Variants in EML5 observed in about 807,000 individuals in gnomAD.
EML5 encodes EMAP like 5.
In EML5, 120 loss-of-function variants were observed where a neutral mutation model predicts 250.0. The ratio of observed to expected loss-of-function variants is 0.48; its 90% CI spans 0.41 to 0.56. The LOEUF (loss-of-function observed/expected upper bound fraction) is 0.56, where lower values mean the gene tolerates loss of function less well. Ranked by LOEUF, EML5 falls within the 20% of genes least tolerant of loss-of-function variation. The pLI is 0.00. For synonymous variants in EML5, 771 were observed against 806.5 expected, an observed-to-expected ratio of 0.96 and a Z score of 0.75; for missense variants, 2,006 against 2,437.6, an observed-to-expected ratio of 0.82 and a Z score of 3.73.
intron 1 of EML5, among the ~76,000 whole-genome samples, chr14:88,776,746 T>C (rs1307234316): frequency 1.3e-5 from 2 of 150,142 alleles, no homozygotes; most frequent in Non-Finnish European, 3.0e-5. Context: ...CTGGGCATAG[T>C]GGCACATGAC....
intron 25 of EML5, among the ~76,000 whole-genome samples, chr14:88,658,624 T>C (rs1432757977): frequency 6.6e-6 from 1 of 152,134 alleles, no homozygotes; most frequent in Non-Finnish European, 1.5e-5. Context: ...GGCAAAACTC[T>C]TTAAAAAACC....
Position 88,710,575 on chromosome 14 carries a change from T to C in EML5, c.1657+1696A>G, listed in dbSNP as rs1402312586. 5.3e-5 allele frequency among the ~76,000 whole-genome samples: 8 copies of C among 152,222 alleles called. No individual in the cohort carries two copies. The East Asian group carries it at 1.5e-3, about 29-fold the overall frequency. On this transcript the variant is annotated intron_variant, in intron 10 of 43. Transcript: ENST00000554922. ...AATTCAATTAATACATAATCTTTTT[T>C]GGCCTAAGTGGTCTGCAAAACATAA...
intron 5 of EML5, among the ~76,000 whole-genome samples, chr14:88,739,419 C>G (rs186228970): frequency 6.6e-6 from 1 of 151,930 alleles, no homozygotes; most frequent in African/African-American, 2.4e-5. Flanking sequence ...GCCAATCCCC[C>G]CCAAAATATC....
chr14:88,703,269 T>C (rs1252258216), intron 13 of EML5, among the ~76,000 whole-genome samples: 2 of 152,218 alleles, frequency 1.3e-5, no homozygotes, highest in Middle Eastern at 3.2e-3. Flanking sequence ...AGTATATTTG[T>C]ATTTGTTGTA....
chr14:88,618,266 A>G lies in EML5; in HGVS notation c.5604T>C (p.His1868=). Residue 1868 remains histidine (H), a synonymous_variant, in exon 41 of 44, where the codon CAT becomes CAC. Coordinates refer to ENST00000554922, the MANE Select transcript of EML5 (RefSeq NM_183387.3). ...EVPSGKHLMD[H]AAIDRITWAT... ...CCCAAGTAATTCTGTCAATAGCGGC[A>G]TGATCCATAAGATGTTTTCCTGAAG... is the stretch of plus-strand genomic sequence containing the variant. 4.3e-6 allele frequency: 7 copies of G among 1,613,858 alleles called. No homozygotes were observed. Among genetic ancestry groups the G allele is most frequent in the Non-Finnish European group, 5.9e-6 (7 of 1,179,856 alleles).
chr14:88,704,411 C>T (rs2093277136), intron 13 of EML5, among the ~76,000 whole-genome samples: 1 of 152,138 alleles, frequency 6.6e-6, no homozygotes, highest in African/African-American at 2.4e-5. Flanking sequence ...CCAAATAAAC[C>T]TCTTTTCCTT....
chr14:88,659,687 G>A (rs1325948933), intron 25 of EML5, among the ~76,000 whole-genome samples: 1 of 152,222 alleles, frequency 6.6e-6, no homozygotes, highest in Non-Finnish European at 1.5e-5. Flanking sequence ...AACGCTGGAA[G>A]TGAAGTTTCT....
chr14:88,725,236 T>A lies in EML5; in HGVS notation c.1187+1305A>T, dbSNP rs558283806. On this transcript the variant is annotated intron_variant, in intron 8 of 43. Coordinates refer to ENST00000554922, the MANE Select transcript of EML5 (RefSeq NM_183387.3). ...AAGTTCTGAAGCTAGAGGGTGGTGA[T>A]GGTTGCACAACAATGTGAATGTACT... is the stretch of plus-strand genomic sequence containing the variant. 2.0e-4 allele frequency among the ~76,000 whole-genome samples: 31 copies of A among 152,248 alleles called. No homozygotes were observed. In the East Asian group the frequency reaches 5.4e-3, roughly 27 times the overall value.
In EML5 at chr14:88,720,465, G is replaced by C. The variant is rs533045379; in HGVS notation, c.1188-5270C>G. ...GGAGGCTTCATCCCCGAGATGCAAG[G>C]CTGGTTCAACCAATGCAAATCAATA... On this transcript the variant is annotated intron_variant, in intron 8 of 43. Transcript: ENST00000554922. Among the ~76,000 whole-genome samples the C allele has an allele frequency of 3.3e-5, 5 of 152,106 alleles. No homozygotes were observed. In the South Asian group the frequency reaches 1.0e-3, roughly 32 times the overall value.
rs552168081 is a variant in EML5 at position 88,732,040 on chromosome 14, C to A, written c.1049+4324G>T. On this transcript the variant is annotated intron_variant, in intron 7 of 43. Transcript: ENST00000554922. ...TGCCTGTTCACTCTGATGGTAGTTT[C>A]TTTTGCTGTGCAGAAGCTCTTTAGT... 3.7e-3 allele frequency among the ~76,000 whole-genome samples: 562 copies of A among 152,154 alleles called. 3 individuals carry two copies. Among genetic ancestry groups the A allele is most frequent in the Non-Finnish European group, 6.2e-3 (420 of 67,966 alleles).
At chr14:88,771,334 T>G (rs897203772) in intron 1 of EML5, among the ~76,000 whole-genome samples, 3 of 152,208 alleles carry the variant, frequency 2.0e-5, no homozygotes, top group African/African-American at 7.2e-5. Context: ...TCCCATGAAA[T>G]TCACTAATCT....
chr14:88,715,963 G>C (rs1162036576), intron 8 of EML5, among the ~76,000 whole-genome samples: 4 of 152,090 alleles, frequency 2.6e-5, no homozygotes, highest in African/African-American at 9.7e-5. Context: ...ACAACCAAAA[G>C]ATGGATAAAT....
chr14:88,679,112 C>T (rs2092661811), intron 21 of EML5, among the ~76,000 whole-genome samples: 1 of 150,764 alleles, frequency 6.6e-6, no homozygotes, highest in African/African-American at 2.4e-5. Context: ...TATATCTTCA[C>T]ATGGCCTTCT....
At position 88,665,379 on chromosome 14, in the gene EML5, GAA is replaced by G; in HGVS notation, c.3233_3234del (p.Phe1078SerfsTer26). The G allele has an allele frequency of 6.2e-7, 1 of 1,613,750 alleles. No homozygotes were observed. On this transcript the variant is annotated frameshift_variant, in exon 22 of 44. Coordinates refer to ENST00000554922, the MANE Select transcript of EML5 (RefSeq NM_183387.3). LOFTEE classifies it high-confidence loss of function. ...NADTLEDLVSFHHRKDMISDI... is the reference protein window; with the variant it reads ...NADTLEDLVSXHHRKDMISDI... ...TCTGAAATCATATCTTTTCTGTGATGAAAAGACACAAGATCCTCTAGAGTATC... is the reference window on the plus strand; with the variant it reads ...TCTGAAATCATATCTTTTCTGTGATGAAGACACAAGATCCTCTAGAGTATC...
chr14:88,669,700 G>A (rs923996136), intron 21 of EML5, among the ~76,000 whole-genome samples: 2 of 152,164 alleles, frequency 1.3e-5, no homozygotes, highest in East Asian at 3.9e-4. Context: ...GGACAAGTGG[G>A]ATTTCCCCCA....
intron 14 of EML5, among the ~76,000 whole-genome samples, chr14:88,698,130 G>C (rs1417346161): frequency 6.6e-6 from 1 of 152,040 alleles, no homozygotes; most frequent in Non-Finnish European, 1.5e-5. Flanking sequence ...TAACTTTTTA[G>C]AAAATTTTTA....
At chr14:88,724,516 T>C (rs1412976990) in intron 8 of EML5, among the ~76,000 whole-genome samples, 1 of 152,064 alleles carries the variant, frequency 6.6e-6, no homozygotes, top group Non-Finnish European at 1.5e-5. Context: ...AATAAAAACT[T>C]TTTCATCCAG....
intron 21 of EML5, among the ~76,000 whole-genome samples, chr14:88,673,104 A>C (rs569876465): frequency 1.6e-4 from 25 of 152,336 alleles, no homozygotes; most frequent in Admixed American, 5.2e-4. Flanking sequence ...ACTCCAGGCC[A>C]ATATGACTGA....
chr14:88,746,132 T>C (rs1595754992), intron 3 of EML5, 53 bp downstream of exon 3: 3 of 1,412,772 alleles, frequency 2.1e-6, no homozygotes, highest in Non-Finnish European at 3.0e-6. Flanking sequence ...CTGAACTCTC[T>C]TCTGGTCTTT....
Sources: gnomAD v4.1 joint callset for allele counts (sites outside exome capture counted in the v4.1 genomes callset) on GRCh38, gnomAD v4.1.1 for gene constraint, MANE v1.5 for transcripts, NCBI Gene and HGNC (gene_info 2026-07-23, HGNC 2026-07-21) for gene names.